Variants in DPYSL2 observed in about 807,000 individuals in gnomAD.
DPYSL2 encodes dihydropyrimidinase-related protein 2.
A neutral mutation model predicts 69.9 loss-of-function variants in DPYSL2; 13 were observed. That is an observed-to-expected ratio of 0.19 (90% CI 0.12 to 0.30). The LOEUF is 0.30. DPYSL2 is among the 10% of genes least tolerant of loss of function. The probability of loss-of-function intolerance (pLI) is 1.00; values close to 1 mark genes in which losing one functional copy is unlikely to be tolerated. For missense variants in DPYSL2, 587 were observed against 918.9 expected, an observed-to-expected ratio of 0.64 and a Z score of 4.67; for synonymous variants, 326 against 359.1, an observed-to-expected ratio of 0.91 and a Z score of 1.04.
intron 10 of DPYSL2, among the ~76,000 whole-genome samples, chr8:26,645,087 A>G (rs1280632169): frequency 6.6e-6 from 1 of 152,094 alleles, no homozygotes; most frequent in Admixed American, 6.6e-5. Flanking sequence ...GACATGCGTG[A>G]GTGTGTAAAT....
intron 7 of DPYSL2, among the ~76,000 whole-genome samples, chr8:26,630,623 C>G (rs1371242871): frequency 1.3e-5 from 2 of 152,128 alleles, no homozygotes; most frequent in Non-Finnish European, 2.9e-5. Context: ...GGATGCCATT[C>G]ATGCAGGCTG....
In DPYSL2 at chr8:26,580,193, C is replaced by T. The variant is rs1158573530; in HGVS notation, c.355-1776C>T. Reference sequence around the variant, plus strand: ...TGGAGGCAGGAGGTGAAGGGGGAGGCCTCTCCTTGCCTTCCAGGTGATATT... The same window carrying T: ...TGGAGGCAGGAGGTGAAGGGGGAGGTCTCTCCTTGCCTTCCAGGTGATATT... On this transcript the variant is annotated intron_variant, in intron 1 of 13. Transcript: ENST00000521913. This position sits in a 1 kb window ranked among gnomAD's most constrained non-coding sequence, Gnocchi z 4.1. Among the ~76,000 whole-genome samples the T allele has an allele frequency of 6.6e-6, 1 of 152,040 alleles. No individual in the cohort carries two copies. The highest frequency in any genetic ancestry group is 1.5e-5 in the Non-Finnish European group (1 of 68,006).
In DPYSL2 at chr8:26,653,420, G is replaced by A; in HGVS notation, c.1942+23G>A. The A allele has an allele frequency of 6.2e-7, 1 of 1,603,042 alleles. No individual in the cohort carries two copies. Among genetic ancestry groups the A allele is most frequent in the East Asian group, 2.2e-5 (1 of 44,620 alleles). On this transcript the variant is annotated intron_variant, in intron 13 of 13. Coordinates refer to ENST00000521913, the MANE Select transcript of DPYSL2 (RefSeq NM_001197293.3). This position sits in a 1 kb window ranked among gnomAD's most constrained non-coding sequence, Gnocchi z 5.7. The stretch of plus-strand genomic sequence containing the variant: ...CTGGTAGGGTTGGGGCTTGGGGAGG[G>A]CACAGTTCTGCAGGGCCAGCTCGCT...
rs763898380 is a variant in DPYSL2, at chr8:26,653,212, G to C, written c.1777-20G>C. 6.2e-7 allele frequency: 1 copy of C among 1,611,556 alleles called. No homozygotes were observed. Among genetic ancestry groups the C allele is most frequent in the Admixed American group, 1.7e-5 (1 of 59,858 alleles). ...CTCTGTGGCTGTGGCCTGAGCTGGGGGGACTCTTGTGTTTTGCAGCTGGCT... is the reference window on the plus strand; with the variant it reads ...CTCTGTGGCTGTGGCCTGAGCTGGGCGGACTCTTGTGTTTTGCAGCTGGCT... On this transcript the variant is annotated intron_variant, in intron 12 of 13. Coordinates refer to ENST00000521913, the MANE Select transcript of DPYSL2 (RefSeq NM_001197293.3). This position sits in a 1 kb window ranked among gnomAD's most constrained non-coding sequence, Gnocchi z 5.7.
intron 3 of DPYSL2, 145 bp downstream of exon 3, chr8:26,584,128 C>T (rs901007283): frequency 1.3e-6 from 1 of 764,696 alleles, no homozygotes; most frequent in African/African-American, 1.8e-5. Flanking sequence ...ATGTGTTAAC[C>T]ATTTGTCTTA....
chr8:26,544,600 T>C (rs1800735920), intron 1 of DPYSL2, among the ~76,000 whole-genome samples: 1 of 152,240 alleles, frequency 6.6e-6, no homozygotes, highest in Non-Finnish European at 1.5e-5. Context: ...TATATTGTTC[T>C]GGTCTAGAAT....
At position 26,565,943 on chromosome 8, in the gene DPYSL2, G is replaced by A. The variant is rs917933978; in HGVS notation, c.355-16026G>A. Among the ~76,000 whole-genome samples the A allele has an allele frequency of 5.9e-5, 9 of 152,178 alleles. No individual in the cohort carries two copies. The highest frequency in any genetic ancestry group is 3.9e-4 in the East Asian group (2 of 5,188). Reference sequence around the variant, plus strand: ...CCTAGGCCTTGAAGAGATGCACTGCGTTGGCTAGAACTCTGTCACATCTCA... The same window carrying A: ...CCTAGGCCTTGAAGAGATGCACTGCATTGGCTAGAACTCTGTCACATCTCA... On this transcript the variant is annotated intron_variant, in intron 1 of 13. Transcript: ENST00000521913. This position sits in a 1 kb window ranked among gnomAD's most constrained non-coding sequence, Gnocchi z 4.1.
chr8:26,646,121 C>T lies in DPYSL2; in HGVS notation c.1426-1509C>T, dbSNP rs1310234593. On this transcript the variant is annotated intron_variant, in intron 10 of 13. Coordinates refer to ENST00000521913, the MANE Select transcript of DPYSL2 (RefSeq NM_001197293.3). ...CCTCAGGTGATCCACCCACCTCAGC[C>T]TCCCAAAGTGCTGGGATTACAGGTG... Among the ~76,000 whole-genome samples, 5 of 152,136 alleles carry T rather than the reference C, an allele frequency of 3.3e-5. No individual in the cohort carries two copies. In the East Asian group the frequency reaches 5.8e-4, roughly 18 times the overall value.
chr8:26,523,895 C>A (rs909992096), intron 1 of DPYSL2, among the ~76,000 whole-genome samples: 1 of 152,114 alleles, frequency 6.6e-6, no homozygotes, highest in Non-Finnish European at 1.5e-5. Context: ...TATGTATAGA[C>A]CACATTTTGT....
chr8:26,572,763 T>C (rs1801260400), intron 1 of DPYSL2, among the ~76,000 whole-genome samples: 1 of 152,052 alleles, frequency 6.6e-6, no homozygotes, highest in South Asian at 2.1e-4. Flanking sequence ...GCCTCCCAGG[T>C]GTTGGGATTA....
intron 3 of DPYSL2, among the ~76,000 whole-genome samples, chr8:26,604,299 T>C (rs1293920247): frequency 6.6e-6 from 1 of 152,054 alleles, no homozygotes; most frequent in Non-Finnish European, 1.5e-5. Flanking sequence ...GGGTGAGGAG[T>C]CAGATGGCCA....
chr8:26,635,960 G>A (rs769916594), intron 8 of DPYSL2, among the ~76,000 whole-genome samples: 3 of 151,984 alleles, frequency 2.0e-5, no homozygotes, highest in Admixed American at 6.6e-5. Flanking sequence ...TTTCACTGGC[G>A]GGTGACTTGC....
At chr8:26,515,938 C>G (rs899771356) in intron 1 of DPYSL2, among the ~76,000 whole-genome samples, 1 of 152,166 alleles carries the variant, frequency 6.6e-6, no homozygotes, top group Non-Finnish European at 1.5e-5. Flanking sequence ...ATTCCACAAG[C>G]ATTTACATTT....
chr8:26,532,858 A>G (rs1800533959), intron 1 of DPYSL2, among the ~76,000 whole-genome samples: 1 of 152,184 alleles, frequency 6.6e-6, no homozygotes, highest in Non-Finnish European at 1.5e-5. Context: ...GTGTGAACAT[A>G]TGTTTCCATT....
At position 26,585,169 on chromosome 8, in the gene DPYSL2, C is replaced by A. The variant is rs1427026213; in HGVS notation, c.628+1186C>A. On this transcript the variant is annotated intron_variant, in intron 3 of 13. Coordinates refer to ENST00000521913, the MANE Select transcript of DPYSL2 (RefSeq NM_001197293.3). The surrounding 1 kb of genome is among the most constrained non-coding windows in gnomAD (Gnocchi z 4.0). Reference sequence around the variant, plus strand: ...GAGTCTGTCATATATGAAAAGATAGCAGTTCAGTTCAGAAGAGGGTCTAAG... The same window carrying A: ...GAGTCTGTCATATATGAAAAGATAGAAGTTCAGTTCAGAAGAGGGTCTAAG... Among the ~76,000 whole-genome samples the A allele has an allele frequency of 1.3e-5, 2 of 152,150 alleles. No homozygotes were observed. The highest frequency in any genetic ancestry group is 1.3e-4 in the Admixed American group (2 of 15,266).
chr8:26,553,656 G>A (rs1800902114), intron 1 of DPYSL2, among the ~76,000 whole-genome samples: 1 of 152,042 alleles, frequency 6.6e-6, no homozygotes, highest in Admixed American at 6.5e-5. Context: ...CCAGGTCTTT[G>A]CTATTTTGAA....
At chr8:26,548,722 A>C (rs545813764) in intron 1 of DPYSL2, among the ~76,000 whole-genome samples, 30 of 151,962 alleles carry the variant, frequency 2.0e-4, no homozygotes, top group Non-Finnish European at 3.7e-4. Context: ...CTCTCTTAAA[A>C]AAAAAAAGTC....
rs1808230934 is a variant in DPYSL2 at position 26,514,204 on chromosome 8, T to C, written c.-122T>C. 2 of 876,246 alleles carry C rather than the reference T, an allele frequency of 2.3e-6. No homozygotes were observed. Among genetic ancestry groups the C allele is most frequent in the Admixed American group, 4.0e-5 (1 of 25,088 alleles). 54.3% of individuals were successfully genotyped at this position (876,246 alleles called of 1,614,324 possible). ...AGCCCTCCTTCCTTTCTGTGCACCT[T>C]GCGGTGGGCGGCGAACGGCAGCCGC... On this transcript the variant is annotated 5_prime_UTR_variant, in exon 1 of 14. Transcript: ENST00000521913. This position sits in a 1 kb window ranked among gnomAD's most constrained non-coding sequence, Gnocchi z 8.4.
chr8:26,650,314 G>A lies in DPYSL2; in HGVS notation c.1597-1943G>A, dbSNP rs1045412114. Among the ~76,000 whole-genome samples the A allele has an allele frequency of 3.9e-5, 6 of 152,276 alleles. No individual in the cohort carries two copies. The highest frequency in any genetic ancestry group is 9.6e-5 in the African/African-American group (4 of 41,566). Reference sequence around the variant, plus strand: ...CAGATGTCTCCATGGCCGAGGCTGCGCCCATACTCTACCCAGTAGGGCACA... The same window carrying A: ...CAGATGTCTCCATGGCCGAGGCTGCACCCATACTCTACCCAGTAGGGCACA... On this transcript the variant is annotated intron_variant, in intron 11 of 13. Transcript: ENST00000521913. This position sits in a 1 kb window ranked among gnomAD's most constrained non-coding sequence, Gnocchi z 5.3.
Sources: gnomAD v4.1 joint callset for allele counts (sites outside exome capture counted in the v4.1 genomes callset) on GRCh38, gnomAD v4.1.1 for gene constraint, Gnocchi (gnomAD v3.1) non-coding constraint, MANE v1.5 for transcripts, NCBI Gene and HGNC (gene_info 2026-07-23, HGNC 2026-07-21) for gene names.